SHOC1: variants seen among roughly 807,000 people sequenced by gnomAD.
The protein encoded by SHOC1 is shortage in chiasmata 1.
A neutral mutation model predicts 179.2 loss-of-function variants in SHOC1; 136 were observed. The observed-to-expected ratio is 0.76, with a 90% CI of 0.66 to 0.87. The LOEUF (loss-of-function observed/expected upper bound fraction) is 0.87. Ranked by LOEUF, SHOC1 falls within the 40% of genes least tolerant of loss-of-function variation. The probability of loss-of-function intolerance (pLI) is 0.00; values close to 1 mark genes in which losing one functional copy is unlikely to be tolerated. For missense variants in SHOC1, 1,538 were observed against 1,700.8 expected (o/e 0.90, Z 1.68); for synonymous variants, 489 against 586.6 (o/e 0.83, Z 2.41).
At chr9:111,724,175 A>G (rs1053175481) in intron 13 of SHOC1, among the ~76,000 whole-genome samples, 2 of 152,170 alleles carry the variant, frequency 1.3e-5, no homozygotes, top group Non-Finnish European at 2.9e-5. Context: ...TAAAATATGG[A>G]TAAATATATC....
rs187704643 is a variant in SHOC1 at position 111,736,740 on chromosome 9, C to T, written c.1417+1540G>A. On this transcript the variant is annotated intron_variant, in intron 12 of 27. Coordinates refer to ENST00000682961, the MANE Select transcript of SHOC1 (RefSeq NM_001378211.1). ...GGGACCTAATGAAACTAAAGAGCTT[C>T]TGCACAGCAAAAGAAACTATCAACA... Among the ~76,000 whole-genome samples the T allele has an allele frequency of 2.7e-3, 412 of 152,236 alleles. 3 individuals carry two copies. Among genetic ancestry groups the T allele is most frequent in the Non-Finnish European group, 4.1e-3 (280 of 68,014 alleles).
At chr9:111,784,794 G>A (rs1270460140) in intron 3 of SHOC1, among the ~76,000 whole-genome samples, 1 of 152,116 alleles carries the variant, frequency 6.6e-6, no homozygotes, top group Non-Finnish European at 1.5e-5. Context: ...TGGTTCATGG[G>A]TGGCTGTCTT....
chr9:111,693,887 T>G lies in SHOC1; in HGVS notation c.3377A>C (p.Asn1126Thr). 1 of 1,611,884 alleles carries G rather than the reference T, an allele frequency of 6.2e-7. No homozygotes were observed. The highest frequency in any genetic ancestry group is 1.3e-5 in the African/African-American group (1 of 75,004). ...INPLVAQLMLNKGPSLHWILL... is the reference protein window; with the variant it reads ...INPLVAQLMLTKGPSLHWILL... Reference sequence around the variant, plus strand: ...TATCCAATGCAGTGAAGGTCCTTTATTTAGCATGAGCTGAGCCACCAATGG... The same window carrying G: ...TATCCAATGCAGTGAAGGTCCTTTAGTTAGCATGAGCTGAGCCACCAATGG... The change falls in exon 26 of 28, where the codon AAT becomes ACT. Residue 1126 changes from asparagine to threonine, a missense_variant. Transcript: ENST00000682961.
chr9:111,719,659 A>G (rs1832948081), intron 15 of SHOC1, among the ~76,000 whole-genome samples: 1 of 152,148 alleles, frequency 6.6e-6, no homozygotes, highest in Non-Finnish European at 1.5e-5. Context: ...CCAGCTCCCC[A>G]AAGTGTTGAT....
At position 111,706,633 on chromosome 9, in the gene SHOC1, T is replaced by A; in HGVS notation, c.2672A>T (p.His891Leu). 6.2e-7 allele frequency: 1 copy of A among 1,607,294 alleles called. No individual in the cohort carries two copies. Among genetic ancestry groups the A allele is most frequent in the Non-Finnish European group, 8.5e-7 (1 of 1,176,284 alleles). ...NYVEDSCWTKHCKELNIPYMA... is the reference protein window; with the variant it reads ...NYVEDSCWTKLCKELNIPYMA... ...GTAAGGAATATTCAACTCTTTGCAG[T>A]GTTTAGTCCAACAAGAGTCTTCCAC... The change falls in exon 20 of 28, where the codon CAC becomes CTC. Residue 891 changes from histidine (H) to leucine (L), a missense_variant. By Grantham distance (99) the His-to-Leu change is moderately conservative. Transcript: ENST00000682961.
At chr9:111,716,781 A>G (rs1382026174) in intron 16 of SHOC1, among the ~76,000 whole-genome samples, 1 of 152,206 alleles carries the variant, frequency 6.6e-6, no homozygotes, top group Non-Finnish European at 1.5e-5. Context: ...TATTATTACT[A>G]AACTACAGCT....
intron 12 of SHOC1, among the ~76,000 whole-genome samples, chr9:111,731,620 A>T (rs1833573464): frequency 6.6e-6 from 1 of 152,150 alleles, no homozygotes; most frequent in Non-Finnish European, 1.5e-5. Flanking sequence ...AATCAAGGTA[A>T]CTGAGCACAG....
chr9:111,764,880 C>T (rs182431754), intron 5 of SHOC1, among the ~76,000 whole-genome samples: 2 of 152,258 alleles, frequency 1.3e-5, no homozygotes, highest in East Asian at 3.9e-4. Flanking sequence ...GTGGCTCACG[C>T]CTGTAATCCC....
At chr9:111,723,092 T>C (rs1027816214) in intron 14 of SHOC1, among the ~76,000 whole-genome samples, 3 of 152,146 alleles carry the variant, frequency 2.0e-5, no homozygotes, top group Non-Finnish European at 4.4e-5. Context: ...TATTATTTAT[T>C]AGAGAGGATT....
chr9:111,750,161 C>T (rs1232464988), intron 8 of SHOC1, among the ~76,000 whole-genome samples: 1 of 152,120 alleles, frequency 6.6e-6, no homozygotes, highest in African/African-American at 2.4e-5. Context: ...TAAAAGCATT[C>T]ATTCCTTTTT....
chr9:111,739,671 A>G (rs962370334), intron 11 of SHOC1, among the ~76,000 whole-genome samples: 4 of 152,166 alleles, frequency 2.6e-5, no homozygotes, highest in African/African-American at 9.7e-5. Context: ...GTAGATTCAC[A>G]TGCAGTTGCA....
rs753222065 is a variant in SHOC1 at position 111,727,726 on chromosome 9, C to T, written c.1741G>A (p.Asp581Asn). The T allele has an allele frequency of 6.2e-7, 1 of 1,613,266 alleles. No homozygotes were observed. Among genetic ancestry groups the T allele is most frequent in the South Asian group, 1.1e-5 (1 of 90,910 alleles). ...SFEHGKKQEN[D>N]LDLLSDFIML... ...ATAAAGTCGCTCAAAAGGTCCAAAT[C>T]ATTCTCTTGTTTTTTGCCATGTTCA... The change falls in exon 13 of 28, where the codon GAT becomes AAT. Residue 581 changes from aspartate to asparagine, a missense_variant. By Grantham distance (23) the Asp-to-Asn change is conservative. Coordinates refer to ENST00000682961, the MANE Select transcript of SHOC1 (RefSeq NM_001378211.1).
intron 8 of SHOC1, among the ~76,000 whole-genome samples, chr9:111,750,117 A>G (rs1834508280): frequency 6.6e-6 from 1 of 152,156 alleles, no homozygotes; most frequent in South Asian, 2.1e-4. Flanking sequence ...GTCTTCCACA[A>G]TGGTTGAACT....
intron 24 of SHOC1, among the ~76,000 whole-genome samples, chr9:111,696,309 G>A (rs899201541): frequency 7.2e-5 from 11 of 152,030 alleles, no homozygotes; most frequent in Admixed American, 3.9e-4. Context: ...GGTGCTAATG[G>A]TCCTGATGTG....
Position 111,728,008 on chromosome 9 carries a change from T to G in SHOC1, c.1459A>C (p.Ile487Leu). Reference sequence around the variant, plus strand: ...TGAGCATTTGTAGATTTTTCATCAATAAGTGCAATAGGTGAAGAATGACTT... The same window carrying G: ...TGAGCATTTGTAGATTTTTCATCAAGAAGTGCAATAGGTGAAGAATGACTT... The part of the protein sequence containing the change: ...HKSHSSPIAL[I>L]DEKSTNAHLS... Residue 487 changes from isoleucine to leucine, a missense_variant, in exon 13 of 28, where the codon ATT (isoleucine) becomes CTT (leucine). Physicochemically the swap from Ile to Leu is conservative, Grantham distance 5. Coordinates refer to ENST00000682961, the MANE Select transcript of SHOC1 (RefSeq NM_001378211.1). 1 of 1,606,394 alleles carries G rather than the reference T, an allele frequency of 6.2e-7. No homozygotes were observed. Among genetic ancestry groups the G allele is most frequent in the Non-Finnish European group, 8.5e-7 (1 of 1,177,632 alleles).
At chr9:111,766,483 C>G (rs1257264337) in intron 5 of SHOC1, among the ~76,000 whole-genome samples, 2 of 152,168 alleles carry the variant, frequency 1.3e-5, no homozygotes, top group African/African-American at 4.8e-5. Context: ...AGTGGCTGTT[C>G]TAATTTACAC....
chr9:111,759,479 T>G, intron 5 of SHOC1: 1 of 1,254,266 alleles, frequency 8.0e-7, no homozygotes, highest in Non-Finnish European at 1.0e-6. Context: ...AAATTTCTCC[T>G]CTCGGTCTCC....
intron 16 of SHOC1, 95 bp from the exon 17 acceptor site, chr9:111,714,718 GAC>G: frequency 9.1e-7 from 1 of 1,103,970 alleles, no homozygotes; most frequent in Non-Finnish European, 1.3e-6. Flanking sequence ...TCAAAGCAGA[GAC>G]AGTTAAAATT....
chr9:111,766,255 A>G (rs1216783414), intron 5 of SHOC1, among the ~76,000 whole-genome samples: 1 of 152,170 alleles, frequency 6.6e-6, no homozygotes, highest in East Asian at 1.9e-4. Flanking sequence ...TGGCTGAATA[A>G]TATTCCATTG....
Sources: gnomAD v4.1 joint callset for allele counts (sites outside exome capture counted in the v4.1 genomes callset) on GRCh38, gnomAD v4.1.1 for gene constraint, MANE v1.5 for transcripts, NCBI Gene and HGNC (gene_info 2026-07-23, HGNC 2026-07-21) for gene names.